PLD1: variants seen among roughly 807,000 people sequenced by gnomAD.
PLD1 encodes choline phosphatase 1.
In PLD1, 112 loss-of-function variants were observed where a neutral mutation model predicts 137.1. The ratio of observed to expected loss-of-function variants is 0.82; its 90% confidence interval spans 0.70 to 0.96. PLD1 has a LOEUF of 0.96. PLD1 is among the 40% of genes least tolerant of loss of function. The pLI is 0.00. For missense variants in PLD1, 1,321 were observed against 1,342.0 expected (o/e 0.98, Z 0.24); for synonymous variants, 431 against 454.7 (o/e 0.95, Z 0.66).
intron 16 of PLD1, among the ~76,000 whole-genome samples, chr3:171,679,874 G>A (rs954404858): frequency 2.0e-5 from 3 of 152,172 alleles, no homozygotes; most frequent in Non-Finnish European, 2.9e-5. Context: ...GAGTGTGGTC[G>A]AGAGGACTTA....
rs530349610 is a variant in PLD1, at chr3:171,691,947, A to G, written c.1338+385T>C. ...CCATTGATTTTTTAAGGCATTTTAA[A>G]TCCTAGAGGAGATCTCTTTGCTGCT... is the stretch of plus-strand genomic sequence containing the variant. On this transcript the variant is annotated intron_variant, in intron 13 of 26. Coordinates refer to ENST00000351298, the MANE Select transcript of PLD1 (RefSeq NM_002662.5). Among the ~76,000 whole-genome samples, 147 of 152,306 alleles carry G rather than the reference A, an allele frequency of 9.7e-4. 1 individual carries two copies. Among genetic ancestry groups the G allele is most frequent in the Admixed American group, 7.9e-3 (121 of 15,302 alleles).
intron 1 of PLD1, among the ~76,000 whole-genome samples, chr3:171,799,341 AAAAAAAAAAAAAAAAAAAAAAGAGG>A (rs1723556696): frequency 6.8e-6 from 1 of 147,450 alleles, no homozygotes; most frequent in South Asian, 2.1e-4. Context: ...TCCGTCTAAA[AAAAAAAAAAAAAAAAAAAAAAGAGG>A]AAAAAAAAAA....
At chr3:171,635,965 C>CTTTTTTTTTTTTTTGTTTTTTTTTTTTT (rs1735080039) in intron 23 of PLD1, among the ~76,000 whole-genome samples, 1 of 49,252 alleles carries the variant, frequency 2.0e-5, no homozygotes, top group Non-Finnish European at 4.4e-5. Flanking sequence ...GGTTCAACTT[C>CTTTTTTTTTTTTTTGTTTTTTTTTTTTT]TTTTTTTTTT....
chr3:171,620,987 G>C (rs991004588), intron 23 of PLD1, among the ~76,000 whole-genome samples: 1 of 151,828 alleles, frequency 6.6e-6, no homozygotes, highest in Non-Finnish European at 1.5e-5. Context: ...TCAGATGCAA[G>C]GTGTGTGCCA....
chr3:171,652,889 A>C (rs1415995052), intron 21 of PLD1, among the ~76,000 whole-genome samples: 1 of 150,548 alleles, frequency 6.6e-6, no homozygotes, highest in Non-Finnish European at 1.5e-5. Flanking sequence ...TGCTAGAATC[A>C]AAGGCATAAG....
chr3:171,683,931 C>T (rs1714269765), intron 16 of PLD1, among the ~76,000 whole-genome samples: 4 of 152,136 alleles, frequency 2.6e-5, no homozygotes. Flanking sequence ...AGAGATGAAC[C>T]ATTTGTTACC....
chr3:171,736,623 C>T (rs1719377981), intron 3 of PLD1, among the ~76,000 whole-genome samples: 1 of 152,086 alleles, frequency 6.6e-6, no homozygotes, highest in African/African-American at 2.4e-5. Flanking sequence ...GGACACAGCA[C>T]CAGGCAAAAC....
chr3:171,628,739 A>T (rs1486690440), intron 23 of PLD1, among the ~76,000 whole-genome samples: 1 of 151,846 alleles, frequency 6.6e-6, no homozygotes, highest in Non-Finnish European at 1.5e-5. Context: ...TCCAGCATAT[A>T]AACAGAACCA....
At chr3:171,634,683 A>G (rs936236158) in intron 23 of PLD1, among the ~76,000 whole-genome samples, 19 of 152,204 alleles carry the variant, frequency 1.2e-4, no homozygotes, top group African/African-American at 4.6e-4. Flanking sequence ...GAAATTATAT[A>G]CATGTACTAA....
chr3:171,775,113 T>C (rs574673208), intron 1 of PLD1, among the ~76,000 whole-genome samples: 1 of 152,154 alleles, frequency 6.6e-6, no homozygotes, highest in South Asian at 2.1e-4. Flanking sequence ...TGATAAAAAA[T>C]TTTATTTTTA....
rs745589515 is a variant in PLD1, at chr3:171,676,698, T to C, written c.2115+17A>G. The stretch of plus-strand genomic sequence containing the variant: ...CTCTCTTCATGTGGATAAATCATGA[T>C]AGCAACATCCAAGTACTTTTGTGAA... On this transcript the variant is annotated intron_variant, in intron 18 of 26. Coordinates refer to ENST00000351298, the MANE Select transcript of PLD1 (RefSeq NM_002662.5). 1.3e-6 allele frequency: 2 copies of C among 1,583,170 alleles called. No homozygotes were observed. The highest frequency in any genetic ancestry group is 1.7e-6 in the Non-Finnish European group (2 of 1,151,872).
intron 12 of PLD1, among the ~76,000 whole-genome samples, chr3:171,698,498 G>C (rs1233557001): frequency 6.6e-6 from 1 of 152,172 alleles, no homozygotes; most frequent in African/African-American, 2.4e-5. Flanking sequence ...TCAAGTAAAT[G>C]CATGGGGAAA....
intron 6 of PLD1, among the ~76,000 whole-genome samples, chr3:171,731,552 C>T (rs140201208): frequency 0.011 from 1,671 of 152,128 alleles, 37 homozygotes; most frequent in African/African-American, 0.038. Flanking sequence ...GAGGCAGAGG[C>T]GGGCGGATCA....
chr3:171,648,776 GAT>G (rs1736483472), intron 21 of PLD1, among the ~76,000 whole-genome samples: 2 of 152,030 alleles, frequency 1.3e-5, no homozygotes, highest in African/African-American at 4.8e-5. Context: ...GGATGGTCTC[GAT>G]ATCCTGACCT....
At chr3:171,765,906 C>T (rs530882526) in intron 1 of PLD1, among the ~76,000 whole-genome samples, 2 of 152,256 alleles carry the variant, frequency 1.3e-5, no homozygotes, top group South Asian at 2.1e-4. Flanking sequence ...GAACTTCCTC[C>T]GTATCCTTTA....
chr3:171,731,387 A>T (rs151289962), intron 6 of PLD1, among the ~76,000 whole-genome samples: 156 of 152,330 alleles, frequency 1.0e-3, no homozygotes, highest in African/African-American at 3.5e-3. Context: ...ACATTTAAAG[A>T]AAAAGAATGT....
chr3:171,611,591 T>C (rs1732662882), intron 25 of PLD1: 1 of 518,798 alleles, frequency 1.9e-6, no homozygotes, highest in South Asian at 1.4e-5. Context: ...TTGCATCTTC[T>C]TGCCAAAGAT....
chr3:171,605,219 T>A, intron 26 of PLD1, 80 bp downstream of exon 26: 1 of 864,374 alleles, frequency 1.2e-6, no homozygotes, highest in Non-Finnish European at 2.0e-6. Flanking sequence ...CCTGTACCAA[T>A]AATATGCAGA....
chr3:171,693,786 T>C (rs1240618957), intron 12 of PLD1, among the ~76,000 whole-genome samples: 4 of 152,128 alleles, frequency 2.6e-5, no homozygotes, highest in Non-Finnish European at 4.4e-5. Flanking sequence ...TAAACCATAA[T>C]AAAAAATAAT....
Sources: gnomAD v4.1 joint callset for allele counts (sites outside exome capture counted in the v4.1 genomes callset) on GRCh38, gnomAD v4.1.1 for gene constraint, MANE v1.5 for transcripts, NCBI Gene and HGNC (gene_info 2026-07-23, HGNC 2026-07-21) for gene names.